Variants in SLC20A2 observed in about 807,000 individuals in gnomAD.
SLC20A2 encodes the protein sodium-dependent phosphate transporter 2.
SLC20A2 carries 30 observed loss-of-function variants against 61.0 expected under a neutral mutation model. That is an observed-to-expected ratio of 0.49 (90% confidence interval 0.37 to 0.67). The LOEUF is 0.67. Among genes scored for constraint, SLC20A2 ranks in the 30% least tolerant of loss-of-function variants. SLC20A2 has a pLI of 0.00. For synonymous variants in SLC20A2, 351 were observed against 353.3 expected, an observed-to-expected ratio of 0.99 and a Z score of 0.07; for missense variants, 626 against 866.4, an observed-to-expected ratio of 0.72 and a Z score of 3.48.
At chr8:42,486,314 TGCCTCAGCCTCCC>T (rs899378001) in intron 1 of SLC20A2, among the ~76,000 whole-genome samples, 1 of 152,156 alleles carries the variant, frequency 6.6e-6, no homozygotes, top group African/African-American at 2.4e-5. Context: ...TTGATCCTCC[TGCCTCAGCCTCCC>T]AACTAGCTGG....
chr8:42,431,831 G>A lies in SLC20A2; in HGVS notation c.1524-1582C>T, dbSNP rs144041109. Among the ~76,000 whole-genome samples the A allele has an allele frequency of 5.1e-3, 771 of 152,326 alleles. 2 individuals carry two copies. The highest frequency in any genetic ancestry group is 7.5e-3 in the Admixed American group (115 of 15,294). On this transcript the variant is annotated intron_variant, in intron 8 of 10. Transcript: ENST00000520262. The stretch of plus-strand genomic sequence containing the variant: ...AGAAATGGAACAACAAAGCACATCT[G>A]TTTACAGCATGGTTTACTGAATATT...
At chr8:42,531,492 C>G (rs1350863786) in intron 1 of SLC20A2, among the ~76,000 whole-genome samples, 1 of 152,064 alleles carries the variant, frequency 6.6e-6, no homozygotes, top group Non-Finnish European at 1.5e-5. Context: ...TCCAGCAGTT[C>G]ACATATATTA....
At chr8:42,421,746 G>A (rs1320711143) in intron 10 of SLC20A2, among the ~76,000 whole-genome samples, 5 of 152,126 alleles carry the variant, frequency 3.3e-5, no homozygotes, top group Non-Finnish European at 5.9e-5. Flanking sequence ...GGAGGTTGTG[G>A]TGAGCTGAGA....
chr8:42,536,418 G>A (rs1336199280), intron 1 of SLC20A2: 2 of 152,422 alleles, frequency 1.3e-5, no homozygotes, highest in Admixed American at 1.3e-4. Flanking sequence ...TCATTCAAGG[G>A]CACTTCCTCC....
chr8:42,533,127 A>G (rs1812444685), intron 1 of SLC20A2, among the ~76,000 whole-genome samples: 1 of 152,228 alleles, frequency 6.6e-6, no homozygotes, highest in South Asian at 2.1e-4. Context: ...GCTTCATTAA[A>G]TTAAAAATAT....
intron 2 of SLC20A2, among the ~76,000 whole-genome samples, chr8:42,470,121 A>G (rs1158256583): frequency 6.6e-6 from 1 of 152,022 alleles, no homozygotes; most frequent in South Asian, 2.1e-4. Context: ...AATTTCCATT[A>G]TATCTGACTA....
intron 1 of SLC20A2, among the ~76,000 whole-genome samples, chr8:42,510,499 C>G (rs1810967466): frequency 6.6e-6 from 1 of 152,170 alleles, no homozygotes; most frequent in African/African-American, 2.4e-5. Flanking sequence ...TTGCCCAAAT[C>G]TTTTGATACA....
intron 9 of SLC20A2, 35 bp downstream of exon 9, chr8:42,430,029 A>G: frequency 6.4e-7 from 1 of 1,555,992 alleles, no homozygotes; most frequent in Non-Finnish European, 8.7e-7. Flanking sequence ...TCGGATGACA[A>G]GACCTGCCCT....
At chr8:42,504,752 G>C (rs1412257663), upstream of SLC20A2, among the ~76,000 whole-genome samples, 1 of 144,136 alleles carries the variant, frequency 6.9e-6, no homozygotes, top group Non-Finnish European at 1.5e-5. Flanking sequence ...GACTGAGGCA[G>C]GAGAATCCAC....
intron 4 of SLC20A2, among the ~76,000 whole-genome samples, chr8:42,462,419 C>T (rs1806783054): frequency 6.6e-6 from 1 of 152,208 alleles, no homozygotes; most frequent in South Asian, 2.1e-4. Flanking sequence ...AGTTATCAAA[C>T]ACTGCAGCAA....
chr8:42,497,497 C>G (rs568867237), intron 1 of SLC20A2, among the ~76,000 whole-genome samples: 17 of 152,292 alleles, frequency 1.1e-4, no homozygotes, highest in African/African-American at 4.1e-4. Context: ...AGGGTCCCCA[C>G]TGTCGGCACC....
upstream of SLC20A2, among the ~76,000 whole-genome samples, chr8:42,505,649 C>G (rs1810635717): frequency 6.6e-6 from 1 of 151,844 alleles, no homozygotes; most frequent in South Asian, 2.1e-4. Context: ...TTATTTGATC[C>G]AACTATTTAA....
intron 10 of SLC20A2, among the ~76,000 whole-genome samples, chr8:42,425,683 C>A (rs1803357656): frequency 6.6e-6 from 1 of 152,152 alleles, no homozygotes; most frequent in African/African-American, 2.4e-5. Flanking sequence ...CTGCTGCAGT[C>A]CCATTCAGGG....
intron 1 of SLC20A2, among the ~76,000 whole-genome samples, chr8:42,483,506 C>T (rs1031607063): frequency 1.3e-5 from 2 of 152,200 alleles, no homozygotes; most frequent in Admixed American, 6.5e-5. Context: ...AGTAGATCAC[C>T]GCCTTGCTGG....
chr8:42,488,334 C>T (rs1055510581), intron 1 of SLC20A2, among the ~76,000 whole-genome samples: 8 of 151,712 alleles, frequency 5.3e-5, no homozygotes, highest in Admixed American at 1.3e-4. Context: ...TACAGGTGTG[C>T]ACCACCACAC....
chr8:42,437,011 C>T lies in SLC20A2; in HGVS notation c.1501G>A (p.Ala501Thr). 1 of 1,609,090 alleles carries T rather than the reference C, an allele frequency of 6.2e-7. No individual in the cohort carries two copies. The highest frequency in any genetic ancestry group is 8.5e-7 in the Non-Finnish European group (1 of 1,177,498). The change falls in exon 8 of 11, where the codon GCT (alanine) becomes ACT (threonine). Residue 501 changes from alanine to threonine, a missense_variant. Physicochemically the swap from Ala to Thr is moderately conservative, Grantham distance 58. Around this residue, in one of 3 missense-constraint regions of SLC20A2, gnomAD observed 138 missense variants for 228.7 expected, o/e 0.60. Coordinates refer to ENST00000520262, the MANE Select transcript of SLC20A2 (RefSeq NM_001257180.2). The surrounding 1 kb of genome is among the most constrained non-coding windows in gnomAD (Gnocchi z 6.4). The part of the protein sequence containing the change: ...QVLTACFGSF[A>T]HGGNDVSNAI... ...CACCTCACGTCATTGCCGCCGTGAGCAAAGGACCCGAAACAGGCGGTGAGG... is the reference window on the plus strand; with the variant it reads ...CACCTCACGTCATTGCCGCCGTGAGTAAAGGACCCGAAACAGGCGGTGAGG...
intron 1 of SLC20A2, among the ~76,000 whole-genome samples, chr8:42,493,668 T>C (rs1387863472): frequency 1.3e-5 from 2 of 152,194 alleles, no homozygotes; most frequent in African/African-American, 4.8e-5. Flanking sequence ...CAGATCAGAT[T>C]ATAGAGTTTG....
intron 6 of SLC20A2, among the ~76,000 whole-genome samples, chr8:42,440,050 G>A (rs914339149): frequency 2.1e-4 from 32 of 151,032 alleles, no homozygotes; most frequent in African/African-American, 5.1e-4. Context: ...GCGCCACTGC[G>A]CTCCAGCCTG....
At chr8:42,490,395 C>T (rs141305211) in intron 1 of SLC20A2, among the ~76,000 whole-genome samples, 72 of 152,098 alleles carry the variant, frequency 4.7e-4, no homozygotes, top group Non-Finnish European at 8.8e-4. Flanking sequence ...GCCAGGAGTT[C>T]AAGACCAGCC....
Sources: allele counts gnomAD v4.1 joint callset (sites outside exome capture counted in the v4.1 genomes callset), GRCh38; gene constraint gnomAD v4.1.1; regional missense constraint gnomAD v4.1.1; non-coding constraint Gnocchi (gnomAD v3.1); transcripts MANE v1.5; gene names NCBI Gene and HGNC (gene_info 2026-07-23, HGNC 2026-07-21).